ATP6V0C: variants seen among roughly 807,000 people sequenced by gnomAD.
The protein encoded by ATP6V0C is ATPase H+ transporting V0 subunit c, also known as V-type proton ATPase 16 kDa proteolipid subunit c.
Under a neutral mutation model 10.6 loss-of-function variants are expected in ATP6V0C, and 2 were observed. The ratio of observed to expected loss-of-function variants is 0.19; its 90% CI spans 0.08 to 0.59. The LOEUF is 0.59. Among genes scored for constraint, ATP6V0C ranks in the 20% least tolerant of loss-of-function variants. The probability of loss-of-function intolerance (pLI) is 0.90; values close to 1 mark genes in which losing one functional copy is unlikely to be tolerated. For missense variants in ATP6V0C, 89 were observed against 225.9 expected, an observed-to-expected ratio of 0.39 and a Z score of 3.88; for synonymous variants, 128 against 101.3, an observed-to-expected ratio of 1.26 and a Z score of -1.59.
rs369475799 is a variant in ATP6V0C, at chr16:2,519,366, C to T, written c.228C>T (p.Ile76=). 2.4e-5 allele frequency: 39 copies of T among 1,613,854 alleles called. 1 individual carries two copies. The highest frequency in any genetic ancestry group is 1.8e-4 in the East Asian group (8 of 44,904). ...AIYGLVVAVL[I]ANSLNDDISL... ...ACGGCCTGGTGGTGGCAGTCCTCAT[C>T]GCCAACTCCCTGAATGACGACATCA... Residue 76 remains isoleucine, a synonymous_variant, in exon 2 of 3, where the codon ATC becomes ATT. Transcript: ENST00000330398.
At chr16:2,514,572 C>T (rs1292403573) in intron 1 of ATP6V0C, among the ~76,000 whole-genome samples, 1 of 151,342 alleles carries the variant, frequency 6.6e-6, no homozygotes, top group Non-Finnish European at 1.5e-5. Context: ...GACATCACAC[C>T]TCGAAGGCCC....
Position 2,519,547 on chromosome 16 carries a change from C to T in ATP6V0C, c.270C>T (p.Phe90=). 6.5e-7 allele frequency: 1 copy of T among 1,548,116 alleles called. No individual in the cohort carries two copies. The highest frequency in any genetic ancestry group is 8.7e-7 in the Non-Finnish European group (1 of 1,144,324). Residue 90 remains phenylalanine, a synonymous_variant, in exon 3 of 3, where the codon TTC becomes TTT. Coordinates refer to ENST00000330398, the MANE Select transcript of ATP6V0C (RefSeq NM_001694.4). Reference sequence around the variant, plus strand: ...CCTCTCTTCTCGCCCCCAGGAGCTTCCTCCAGCTGGGCGCCGGCCTGAGCG... The same window carrying T: ...CCTCTCTTCTCGCCCCCAGGAGCTTTCTCCAGCTGGGCGCCGGCCTGAGCG... The part of the protein sequence containing the change: ...LNDDISLYKS[F]LQLGAGLSVG...
intron 1 of ATP6V0C, chr16:2,517,275 C>G (rs576565035): frequency 6.6e-6 from 1 of 152,344 alleles, no homozygotes; most frequent in Non-Finnish European, 1.5e-5. Context: ...TGCAGGTGCA[C>G]TGGGTGTTGG....
Position 2,519,641 on chromosome 16 carries a change from G to A in ATP6V0C, c.364G>A (p.Ala122Thr), listed in dbSNP as rs1321416008. Residue 122 changes from alanine (A) to threonine (T), a missense_variant, in exon 3 of 3, where the codon GCC becomes ACC. Around this residue, in one of 4 missense-constraint regions of ATP6V0C, gnomAD observed 25 missense variants for 92.1 expected, o/e 0.27. Transcript: ENST00000330398. Reference protein sequence around the residue: ...IVGDAGVRGTAQQPRLFVGMI... With the variant: ...IVGDAGVRGTTQQPRLFVGMI... ...GGGGGACGCTGGCGTGCGGGGCACCGCCCAGCAGCCCCGACTATTCGTGGG... is the reference window on the plus strand; with the variant it reads ...GGGGGACGCTGGCGTGCGGGGCACCACCCAGCAGCCCCGACTATTCGTGGG... The A allele has an allele frequency of 2.5e-6, 4 of 1,608,938 alleles. No homozygotes were observed. Among genetic ancestry groups the A allele is most frequent in the Admixed American group, 1.7e-5 (1 of 59,852 alleles).
chr16:2,519,095 G>T, intron 1 of ATP6V0C, 123 bp from the exon 2 acceptor site: 1 of 1,189,032 alleles, frequency 8.4e-7, no homozygotes, highest in Non-Finnish European at 1.1e-6. Flanking sequence ...TGCCTTCTTC[G>T]GCTCCCCCTC....
In ATP6V0C at chr16:2,514,031, G is replaced by A. The variant is rs1208729809; in HGVS notation, c.-73G>A. ...CCGCCGCCCGCCCGCAAACCTTCGT[G>A]CCCGGCCCGTCCTCGCCCCCGCCTC... On this transcript the variant is annotated 5_prime_UTR_variant, in exon 1 of 3. Coordinates refer to ENST00000330398, the MANE Select transcript of ATP6V0C (RefSeq NM_001694.4). 12 of 1,409,310 alleles carry A rather than the reference G, an allele frequency of 8.5e-6. No homozygotes were observed. The Middle Eastern group carries it at 6.8e-4, about 79-fold the overall frequency. 87.3% of individuals were successfully genotyped at this position (1,409,310 alleles called of 1,614,324 possible).
rs369403915 is a variant in ATP6V0C, at chr16:2,519,450, G to T, written c.263+49G>T. 2.5e-6 allele frequency: 4 copies of T among 1,574,694 alleles called. No individual in the cohort carries two copies. In the African/African-American group the frequency reaches 4.0e-5, roughly 16 times the overall value. On this transcript the variant is annotated intron_variant, in intron 2 of 2. Coordinates refer to ENST00000330398, the MANE Select transcript of ATP6V0C (RefSeq NM_001694.4). Reference sequence around the variant, plus strand: ...GCCCAGGGCTGGAGGACTGCAGGGAGGGGGGCGGTTCACCTGTGGGTGGTG... The same window carrying T: ...GCCCAGGGCTGGAGGACTGCAGGGATGGGGGCGGTTCACCTGTGGGTGGTG...
Position 2,518,526 on chromosome 16 carries a change from T to G in ATP6V0C, c.80-692T>G, listed in dbSNP as rs2065888702. ...CGTCGTCTTCTCTGCCCCCATCCTC[T>G]TCTTGGCTCACCCTGTCTCCTGTCT... On this transcript the variant is annotated intron_variant, in intron 1 of 2. Coordinates refer to ENST00000330398, the MANE Select transcript of ATP6V0C (RefSeq NM_001694.4). Among the ~76,000 whole-genome samples the G allele has an allele frequency of 1.3e-5, 2 of 152,248 alleles. 1 individual carries two copies. Among genetic ancestry groups the G allele is most frequent in the Admixed American group, 1.3e-4 (2 of 15,280 alleles).
Position 2,519,925 on chromosome 16 carries a change from G to A in ATP6V0C, c.*180G>A, listed in dbSNP as rs1168964058. On this transcript the variant is annotated 3_prime_UTR_variant, in exon 3 of 3. Transcript: ENST00000330398. ...GCCTTGCCCCCGCCCGCCCCGTGCC[G>A]TGGACATCTGGGCCCACTCATCGCC... 2.4e-6 allele frequency: 2 copies of A among 818,082 alleles called. No homozygotes were observed. Among genetic ancestry groups the A allele is most frequent in the East Asian group, 2.8e-5 (1 of 35,624 alleles). 50.7% of individuals were successfully genotyped at this position (818,082 alleles called of 1,614,324 possible). A position where few individuals can be genotyped will look rare whatever the true frequency, so the allele number is the denominator to read the frequency against.
At chr16:2,519,485 C>A (rs977944190) in intron 2 of ATP6V0C, 56 bp from the exon 3 acceptor site, 105 of 1,547,916 alleles carry the variant, frequency 6.8e-5, no homozygotes, top group Non-Finnish European at 9.2e-5. Context: ...GACCCGGACC[C>A]TTGTCTCCCC....
intron 1 of ATP6V0C, 182 bp downstream of exon 1, chr16:2,514,364 T>G: frequency 2.1e-6 from 1 of 482,188 alleles, no homozygotes; most frequent in Non-Finnish European, 3.2e-6. Context: ...CCGCCGGGGG[T>G]CCGGGGCGCA....
chr16:2,520,007 G>C lies in ATP6V0C; in HGVS notation c.*262G>C, dbSNP rs1406639125. ...GTGCTCTGTGTATGCGGATGATTTA[G>C]AATTGTCATTTCTCTTTACTGGATG... On this transcript the variant is annotated 3_prime_UTR_variant, in exon 3 of 3. Coordinates refer to ENST00000330398, the MANE Select transcript of ATP6V0C (RefSeq NM_001694.4). The C allele has an allele frequency of 1.5e-6, 1 of 688,780 alleles. No homozygotes were observed. The highest frequency in any genetic ancestry group is 2.6e-6 in the Non-Finnish European group (1 of 378,744). 42.7% of individuals were successfully genotyped at this position (688,780 alleles called of 1,614,324 possible). A position where few individuals can be genotyped will look rare whatever the true frequency, so the allele number is the denominator to read the frequency against.
intron 1 of ATP6V0C, 136 bp from the exon 2 acceptor site, chr16:2,519,081 TG>T: frequency 9.5e-7 from 1 of 1,053,440 alleles, no homozygotes; most frequent in Non-Finnish European, 1.3e-6. Context: ...TGCCCTGGGC[TG>T]GATGCCTTCT....
intron 1 of ATP6V0C, 67 bp from the exon 2 acceptor site, chr16:2,519,151 C>A: frequency 6.7e-7 from 1 of 1,483,614 alleles, no homozygotes; most frequent in Admixed American, 2.2e-5. Flanking sequence ...GCCAAAGCTA[C>A]ACCTCGGGGT....
chr16:2,514,014 C>G lies in ATP6V0C; in HGVS notation c.-90C>G, dbSNP rs1374324055. The G allele has an allele frequency of 1.6e-6, 2 of 1,248,362 alleles. No individual in the cohort carries two copies. The highest frequency in any genetic ancestry group is 1.4e-5 in the South Asian group (1 of 71,492). The allele number at this position is 1,248,362 out of a possible 1,614,324, so 77.3% of individuals were successfully genotyped here. On this transcript the variant is annotated 5_prime_UTR_variant, in exon 1 of 3. Coordinates refer to ENST00000330398, the MANE Select transcript of ATP6V0C (RefSeq NM_001694.4). Reference sequence around the variant, plus strand: ...GGGCCGGATCGCCTTCGCCGCCGCCCGCCCGCAAACCTTCGTGCCCGGCCC... The same window carrying G: ...GGGCCGGATCGCCTTCGCCGCCGCCGGCCCGCAAACCTTCGTGCCCGGCCC...
intron 1 of ATP6V0C, 87 bp downstream of exon 1, chr16:2,514,269 A>G: frequency 1.5e-6 from 2 of 1,378,318 alleles, no homozygotes; most frequent in Non-Finnish European, 1.9e-6. Context: ...GTGTGACGTC[A>G]CTCTGACGTA....
Position 2,519,658 on chromosome 16 carries a change from A to C in ATP6V0C, c.381A>C (p.Leu127=), listed in dbSNP as rs1219648803. 1.9e-6 allele frequency: 3 copies of C among 1,612,116 alleles called. No homozygotes were observed. The highest frequency in any genetic ancestry group is 8.5e-7 in the Non-Finnish European group (1 of 1,178,646). The change falls in exon 3 of 3, where the codon CTA becomes CTC. Residue 127 remains leucine, a synonymous_variant. Transcript: ENST00000330398. ...GGGGCACCGCCCAGCAGCCCCGACTATTCGTGGGCATGATCCTGATTCTCA... is the reference window on the plus strand; with the variant it reads ...GGGGCACCGCCCAGCAGCCCCGACTCTTCGTGGGCATGATCCTGATTCTCA... ...GVRGTAQQPR[L]FVGMILILIF... is the part of the protein sequence containing the mutation.
intron 1 of ATP6V0C, among the ~76,000 whole-genome samples, chr16:2,515,810 T>A (rs1008620766): frequency 1.3e-5 from 2 of 152,182 alleles, no homozygotes; most frequent in African/African-American, 4.8e-5. Context: ...GTGAACAAAA[T>A]GGGATCCCCG....
At chr16:2,515,223 C>T (rs1384610541) in intron 1 of ATP6V0C, among the ~76,000 whole-genome samples, 5 of 152,004 alleles carry the variant, frequency 3.3e-5, no homozygotes, top group Admixed American at 6.6e-5. Context: ...AGGGCTAGGC[C>T]CAGGAATGTG....
Sources: allele counts gnomAD v4.1 joint callset (sites outside exome capture counted in the v4.1 genomes callset), GRCh38; gene constraint gnomAD v4.1.1; regional missense constraint gnomAD v4.1.1; transcripts MANE v1.5; gene names NCBI Gene and HGNC (gene_info 2026-07-23, HGNC 2026-07-21).